FBXL2: variants seen among roughly 807,000 people sequenced by gnomAD.
The protein encoded by FBXL2 is F-box and leucine rich repeat protein 2, also known as F-box/LRR-repeat protein 2.
A neutral mutation model predicts 69.2 loss-of-function variants in FBXL2; 38 were observed. The ratio of observed to expected loss-of-function variants is 0.55; its 90% CI spans 0.42 to 0.72. The LOEUF is 0.72. Ranked by LOEUF, FBXL2 falls within the 30% of genes least tolerant of loss-of-function variation. FBXL2 has a pLI of 0.00. For synonymous variants in FBXL2, 192 were observed against 201.3 expected (o/e 0.95, Z 0.39); for missense variants, 354 against 520.3 (o/e 0.68, Z 3.11).
In FBXL2 at chr3:33,393,377, G is replaced by T; in HGVS notation, n.1214+7649G>T. 1 of 1,613,294 alleles carries T rather than the reference G, an allele frequency of 6.2e-7. No individual in the cohort carries two copies. Among genetic ancestry groups the T allele is most frequent in the East Asian group, 2.2e-5 (1 of 44,846 alleles). On this transcript the variant is annotated intron_variant and non_coding_transcript_variant, in intron 12 of 12. Transcript: ENST00000463736. ...CTGTAAACCTGATTAATTTGGTGGA[G>T]AGGGATATTAAACACCAGCGCAAGT... is the stretch of plus-strand genomic sequence containing the variant.
chr3:33,310,276 C>T (rs754266536), intron 2 of FBXL2, among the ~76,000 whole-genome samples: 2 of 151,648 alleles, frequency 1.3e-5, no homozygotes, highest in East Asian at 2.0e-4. Context: ...CTCAGCCTCC[C>T]GAGTAGCTGG....
chr3:33,420,133 A>G, the FBXL2 span, among the ~76,000 whole-genome samples: 2 of 152,182 alleles, frequency 1.3e-5, no homozygotes, highest in Non-Finnish European at 2.9e-5. Context: ...GCTAAATTCA[A>G]TGCTTTAGAA....
chr3:33,369,735 C>T (rs1250646797), intron 5 of FBXL2, among the ~76,000 whole-genome samples: 1 of 152,128 alleles, frequency 6.6e-6, no homozygotes, highest in Non-Finnish European at 1.5e-5. Flanking sequence ...GCCTCAGCCT[C>T]CCAAGTAGCT....
chr3:33,373,932 T>C lies in FBXL2; in HGVS notation c.657+11T>C. The C allele has an allele frequency of 1.9e-6, 3 of 1,613,630 alleles. No individual in the cohort carries two copies. Among genetic ancestry groups the C allele is most frequent in the Non-Finnish European group, 2.5e-6 (3 of 1,179,512 alleles). ...TTGCAGTCCTGCTCAGTAAGTAGCG[T>C]GCCTTTCCTGAACACTGTTTGCTCT... On this transcript the variant is annotated intron_variant, in intron 9 of 14. Transcript: ENST00000484457.
chr3:33,290,300 C>T (rs1356174071), intron 1 of FBXL2, among the ~76,000 whole-genome samples: 1 of 152,230 alleles, frequency 6.6e-6, no homozygotes, highest in African/African-American at 2.4e-5. Flanking sequence ...TGAGCCTCCA[C>T]TCCCAGTTTC....
At chr3:33,308,218 A>G (rs1489912157) in intron 2 of FBXL2, among the ~76,000 whole-genome samples, 1 of 152,188 alleles carries the variant, frequency 6.6e-6, no homozygotes, top group Non-Finnish European at 1.5e-5. Context: ...AAGATAGGAT[A>G]TACCAGGCTC....
At chr3:33,339,997 A>T (rs1307632726) in intron 2 of FBXL2, among the ~76,000 whole-genome samples, 2 of 152,240 alleles carry the variant, frequency 1.3e-5, no homozygotes, top group African/African-American at 4.8e-5. Context: ...TTTCACAGAC[A>T]GTTAAAGGTG....
intron 2 of FBXL2, among the ~76,000 whole-genome samples, chr3:33,300,881 T>A (rs1448453249): frequency 1.3e-5 from 2 of 152,032 alleles, no homozygotes; most frequent in East Asian, 1.9e-4. Context: ...GCTAATTTTT[T>A]TTTTTTTGTA....
chr3:33,314,413 A>G (rs2037489954), intron 2 of FBXL2, among the ~76,000 whole-genome samples: 1 of 152,184 alleles, frequency 6.6e-6, no homozygotes, highest in Admixed American at 6.5e-5. Context: ...AAGTGAGATC[A>G]TAGAGTGTTT....
intron 2 of FBXL2, among the ~76,000 whole-genome samples, chr3:33,306,687 A>G (rs968896874): frequency 1.3e-5 from 2 of 152,254 alleles, no homozygotes; most frequent in Non-Finnish European, 2.9e-5. Context: ...AGTTTCTTCC[A>G]TCCTTTATAT....
chr3:33,416,687 A>C, the FBXL2 span: 2 of 1,223,178 alleles, frequency 1.6e-6, no homozygotes, highest in Non-Finnish European at 2.3e-6. Flanking sequence ...AAGTGAAATT[A>C]ATTTTTTTTT....
the FBXL2 span, among the ~76,000 whole-genome samples, chr3:33,412,360 TA>T: frequency 6.6e-6 from 1 of 151,984 alleles, no homozygotes; most frequent in South Asian, 2.1e-4. Context: ...GAAAATAATG[TA>T]TATACATACA....
At chr3:33,347,083 C>G (rs2040497992) in intron 2 of FBXL2, among the ~76,000 whole-genome samples, 1 of 152,136 alleles carries the variant, frequency 6.6e-6, no homozygotes, top group South Asian at 2.1e-4. Flanking sequence ...TTTTCTTACC[C>G]ATTAACCATC....
At chr3:33,390,437 TC>T, downstream of FBXL2, 6 of 1,557,158 alleles carry the variant, frequency 3.9e-6, no homozygotes, top group Non-Finnish European at 5.3e-6. Context: ...AATGGAAAAC[TC>T]CCTGCCAACT....
At chr3:33,420,479 C>G in the FBXL2 span, among the ~76,000 whole-genome samples, 4 of 148,506 alleles carry the variant, frequency 2.7e-5, no homozygotes, top group African/African-American at 9.9e-5. Flanking sequence ...GTGTGTGCCA[C>G]CATACTGGCT....
intron 1 of FBXL2, among the ~76,000 whole-genome samples, chr3:33,288,084 C>G (rs1029976154): frequency 5.3e-5 from 8 of 152,218 alleles, no homozygotes; most frequent in Admixed American, 2.6e-4. Context: ...GCCACTTCCT[C>G]TTCCAGCACT....
chr3:33,352,403 A>G (rs1021719333), intron 2 of FBXL2, among the ~76,000 whole-genome samples: 72 of 152,332 alleles, frequency 4.7e-4, no homozygotes, highest in African/African-American at 1.7e-3. Context: ...AGATTTGGCA[A>G]TGAACTTTTA....
chr3:33,401,250 A>G (rs1212898833), intron 12 of FBXL2, among the ~76,000 whole-genome samples: 1 of 152,218 alleles, frequency 6.6e-6, no homozygotes, highest in Admixed American at 6.5e-5. Flanking sequence ...CATCTGTACT[A>G]GTAAGAAATT....
In FBXL2 at chr3:33,385,624, C is replaced by T. The variant is rs1372586757; in HGVS notation, c.*16C>T. 1 of 1,604,298 alleles carries T rather than the reference C, an allele frequency of 6.2e-7. No homozygotes were observed. The highest frequency in any genetic ancestry group is 2.2e-5 in the East Asian group (1 of 44,836). On this transcript the variant is annotated 3_prime_UTR_variant, in exon 15 of 15. Transcript: ENST00000484457. ...CATTCTCTGACAGCAGCTGCCTGGG[C>T]CCAAGGGGTGATGAGGCATCCTTTC...
Sources: allele counts gnomAD v4.1 joint callset (sites outside exome capture counted in the v4.1 genomes callset), GRCh38; gene constraint gnomAD v4.1.1; transcripts MANE v1.5; gene names NCBI Gene and HGNC (gene_info 2026-07-23, HGNC 2026-07-21).